Variants in UNC80 observed in about 807,000 individuals in gnomAD.
UNC80 encodes the protein protein unc-80 homolog.
In UNC80, 164 loss-of-function variants were observed where a neutral mutation model predicts 384.6. The ratio of observed to expected loss-of-function variants is 0.43; its 90% confidence interval spans 0.38 to 0.49. UNC80 has a LOEUF of 0.49. Among genes scored for constraint, UNC80 ranks in the 20% least tolerant of loss-of-function variants. The pLI, the probability that UNC80 is intolerant of heterozygous loss-of-function variation, is 0.00. For missense variants in UNC80, 3,330 were observed against 4,143.0 expected (o/e 0.80, Z 5.39); for synonymous variants, 1,486 against 1,527.8 (o/e 0.97, Z 0.64).
At chr2:209,932,030 A>G (rs1391397667) in intron 38 of UNC80, among the ~76,000 whole-genome samples, 3 of 152,158 alleles carry the variant, frequency 2.0e-5, no homozygotes, top group Non-Finnish European at 4.4e-5. Context: ...CTTGCATTTT[A>G]TCTGGGTCCT....
intron 25 of UNC80, among the ~76,000 whole-genome samples, chr2:209,882,306 C>T (rs1351605284): frequency 3.9e-5 from 6 of 151,996 alleles, no homozygotes; most frequent in African/African-American, 1.4e-4. Flanking sequence ...TGAGCAAGGC[C>T]GTGTCCCAAG....
intron 33 of UNC80, among the ~76,000 whole-genome samples, chr2:209,920,764 CTCTT>C (rs1337737602): frequency 6.6e-6 from 1 of 152,060 alleles, no homozygotes; most frequent in Non-Finnish European, 1.5e-5. Flanking sequence ...TGAGAGATCT[CTCTT>C]TCTTTGTCCT....
intron 23 of UNC80, 108 bp downstream of exon 23, chr2:209,873,078 G>A: frequency 9.9e-7 from 1 of 1,012,472 alleles, no homozygotes; most frequent in Non-Finnish European, 1.5e-6. Flanking sequence ...TGTTTGTTAT[G>A]TACCAGGTAC....
Position 209,883,066 on chromosome 2 carries a change from T to C in UNC80, c.4110+1972T>C, listed in dbSNP as rs1031492765. The stretch of plus-strand genomic sequence containing the variant: ...ATTGTTAATGTGTACGTTTGTGTAT[T>C]GTGTCGAGATGTGGCCTTTATAACA... On this transcript the variant is annotated intron_variant, in intron 25 of 64. Coordinates refer to ENST00000673920, the MANE Select transcript of UNC80 (RefSeq NM_001371986.1). 7.2e-5 allele frequency among the ~76,000 whole-genome samples: 11 copies of C among 152,198 alleles called. 1 individual carries two copies. The highest frequency in any genetic ancestry group is 1.6e-4 in the Non-Finnish European group (11 of 68,036).
intron 47 of UNC80, among the ~76,000 whole-genome samples, chr2:209,950,004 T>C (rs2092093885): frequency 6.6e-6 from 1 of 150,826 alleles, no homozygotes; most frequent in Non-Finnish European, 1.5e-5. Flanking sequence ...AGTTTTTTGA[T>C]TTTTTGAGAG....
chr2:209,992,479 T>G (rs1056551891), intron 62 of UNC80, among the ~76,000 whole-genome samples: 45 of 152,192 alleles, frequency 3.0e-4, no homozygotes, highest in African/African-American at 1.1e-3. Flanking sequence ...CAATGTTTTT[T>G]TTTTAAAGTT....
At chr2:209,948,005 A>G (rs1346572972) in intron 47 of UNC80, among the ~76,000 whole-genome samples, 2 of 152,030 alleles carry the variant, frequency 1.3e-5, no homozygotes, top group Non-Finnish European at 2.9e-5. Flanking sequence ...AATGTGTGTA[A>G]CAGTAGTTGA....
intron 41 of UNC80, among the ~76,000 whole-genome samples, chr2:209,937,163 C>A (rs2091305755): frequency 6.6e-6 from 1 of 152,184 alleles, no homozygotes; most frequent in African/African-American, 2.4e-5. Context: ...CATGCTAGAG[C>A]AGTTGTAATA....
At chr2:209,902,455 A>C (rs2087522103) in intron 28 of UNC80, among the ~76,000 whole-genome samples, 1 of 152,212 alleles carries the variant, frequency 6.6e-6, no homozygotes, top group African/African-American at 2.4e-5. Flanking sequence ...AAGAAGTTCT[A>C]CTGTGAGTAA....
chr2:209,978,789 G>T, intron 59 of UNC80, 81 bp downstream of exon 59: 2 of 1,287,744 alleles, frequency 1.6e-6, no homozygotes, highest in Non-Finnish European at 2.0e-6. Flanking sequence ...CTGCCCTTCT[G>T]ACCTTTTCCG....
At position 209,866,205 on chromosome 2, in the gene UNC80, A is replaced by G. The variant is rs188260213; in HGVS notation, c.3628-6553A>G. Among the ~76,000 whole-genome samples, 756 of 152,292 alleles carry G rather than the reference A, an allele frequency of 5.0e-3. 8 individuals are homozygous for G. The highest frequency in any genetic ancestry group is 0.015 in the African/African-American group (633 of 41,556). On this transcript the variant is annotated intron_variant, in intron 22 of 64. Coordinates refer to ENST00000673920, the MANE Select transcript of UNC80 (RefSeq NM_001371986.1). ...ATCTTTCCTTCTGTAAATTGAAAAT[A>G]TATAAGATAGATCTTTTCATTTTAT...
chr2:209,792,234 A>G (rs983762976), intron 6 of UNC80, among the ~76,000 whole-genome samples: 2 of 152,182 alleles, frequency 1.3e-5, no homozygotes, highest in Non-Finnish European at 2.9e-5. Flanking sequence ...AACCTGGGAC[A>G]TGGAGGTTGC....
chr2:209,866,519 CACACACACACACACAGAGAG>C (rs1559226875), intron 22 of UNC80, among the ~76,000 whole-genome samples: 40 of 141,254 alleles, frequency 2.8e-4, no homozygotes, highest in African/African-American at 1.0e-3. Flanking sequence ...CACACACACA[CACACACACACACACAGAGAG>C]AGAGAGAGAG....
chr2:209,930,566 G>A (rs186497035), intron 37 of UNC80, among the ~76,000 whole-genome samples: 1 of 152,220 alleles, frequency 6.6e-6, no homozygotes, highest in Admixed American at 6.5e-5. Flanking sequence ...GCAGAATTAA[G>A]ACATTCACAA....
At chr2:209,993,576 T>G (rs2093430730) in intron 63 of UNC80, 150 bp downstream of exon 63, 1 of 628,436 alleles carries the variant, frequency 1.6e-6, no homozygotes, top group South Asian at 2.4e-5. Context: ...AAAACTGTAG[T>G]GTCTTTTTTT....
At chr2:209,819,311 T>C (rs1203058718) in intron 12 of UNC80, 50 bp downstream of exon 12, 2 of 1,493,476 alleles carry the variant, frequency 1.3e-6, no homozygotes, top group East Asian at 5.0e-5. Context: ...ATTAATTATT[T>C]GGTGCATTTT....
chr2:209,940,048 G>GAGAA (rs1257137570), intron 43 of UNC80, among the ~76,000 whole-genome samples: 3 of 152,186 alleles, frequency 2.0e-5, no homozygotes, highest in Non-Finnish European at 2.9e-5. Context: ...CTCAGGTGAT[G>GAGAA]CTGATGCTGC....
rs1479702378 is a variant in UNC80, at chr2:209,978,610, C to G, written c.9020C>G (p.Ser3007Cys). ...CTGAGCTTGGCCACCATGTCCCGCT[C>G]TAACACGGGCACGGGCACTGTCTGG... Reference protein sequence around the residue: ...YRLSLATMSRSNTGTGTVWEQ... With the variant: ...YRLSLATMSRCNTGTGTVWEQ... The change falls in exon 59 of 65, where the codon TCT becomes TGT. Residue 3007 changes from serine (S) to cysteine (C), a missense_variant. Transcript: ENST00000673920. 1.2e-5 allele frequency: 18 copies of G among 1,551,622 alleles called. No individual in the cohort carries two copies. Among genetic ancestry groups the G allele is most frequent in the Non-Finnish European group, 1.6e-5 (18 of 1,146,922 alleles).
chr2:209,888,282 T>C (rs1027737055), intron 26 of UNC80, 22 bp downstream of exon 26: 192 of 1,550,474 alleles, frequency 1.2e-4, no homozygotes, highest in Middle Eastern at 5.0e-4. Flanking sequence ...CAAAGGTTCC[T>C]TCATGTTTCA....
Sources: gnomAD v4.1 joint callset for allele counts (sites outside exome capture counted in the v4.1 genomes callset) on GRCh38, gnomAD v4.1.1 for gene constraint, MANE v1.5 for transcripts, NCBI Gene and HGNC (gene_info 2026-07-23, HGNC 2026-07-21) for gene names.